The following ABCA12 variants were observed in gnomAD, a reference collection of about 807,000 sequenced individuals.
ABCA12 encodes the protein glucosylceramide transporter ABCA12.
In ABCA12, 156 loss-of-function variants were observed where a neutral mutation model predicts 293.5. That is an observed-to-expected ratio of 0.53 (90% confidence interval 0.47 to 0.61). The LOEUF (loss-of-function observed/expected upper bound fraction) is 0.61, where lower values mean the gene tolerates loss of function less well. ABCA12 is among the 20% of genes least tolerant of loss of function. ABCA12 has a pLI of 0.00. For synonymous variants in ABCA12, 1,063 were observed against 1,108.0 expected (o/e 0.96, Z 0.81); for missense variants, 2,797 against 3,090.2 (o/e 0.91, Z 2.25).
In ABCA12 at chr2:215,004,243, A is replaced by G. The variant is rs1193995186; in HGVS notation, c.2649T>C (p.Asp883=). 1.2e-6 allele frequency: 2 copies of G among 1,614,036 alleles called. No homozygotes were observed. The highest frequency in any genetic ancestry group is 4.5e-5 in the East Asian group (2 of 44,856). The change falls in exon 20 of 53, where the codon GAT becomes GAC. Residue 883 remains aspartate, a synonymous_variant. Transcript: ENST00000272895. ...CTATCTGTTTCAATAGTTCAACAGC[A>G]TCGAGTCCCACGGAGAACTTTACAA... The part of the protein sequence containing the change: ...QVFVKFSVGL[D]AVELLKQIDE...
At position 215,026,823 on chromosome 2, in the gene ABCA12, G is replaced by A. The variant is rs1284289050; in HGVS notation, c.1177C>T (p.Pro393Ser). Residue 393 changes from proline (P) to serine (S), a missense_variant, in exon 10 of 53, where the codon CCA becomes TCA. Pro to Ser is a moderately conservative substitution (Grantham distance 74). This residue lies in a region of ABCA12 where 656 missense variants were observed against 638.2 expected (regional missense o/e 1.03). Transcript: ENST00000272895. The stretch of plus-strand genomic sequence containing the variant: ...TGACTGTTAAGAACAGTATTACCTG[G>A]TGAACCTCTGGCCAAACTGTCAGTC... ...NVTDSLARGS[P>S]ENLRLLQSTI... The A allele has an allele frequency of 1.9e-6, 3 of 1,597,534 alleles. No individual in the cohort carries two copies. In the African/African-American group the frequency reaches 4.0e-5, roughly 21 times the overall value.
At chr2:215,069,298 AAAT>A (rs1701692021) in intron 2 of ABCA12, among the ~76,000 whole-genome samples, 2 of 152,046 alleles carry the variant, frequency 1.3e-5, no homozygotes, top group African/African-American at 4.8e-5. Context: ...CTGATCGTGC[AAAT>A]AATGTCTCCT....
chr2:215,111,459 C>A, intron 2 of ABCA12, 138 bp downstream of exon 2: 2 of 606,584 alleles, frequency 3.3e-6, no homozygotes, highest in Non-Finnish European at 2.9e-6. Context: ...AAAAAACACA[C>A]AAATTGTTCA....
intron 2 of ABCA12, among the ~76,000 whole-genome samples, chr2:215,078,635 C>A (rs767866077): frequency 6.6e-6 from 1 of 152,156 alleles, no homozygotes; most frequent in African/African-American, 2.4e-5. Flanking sequence ...TTCATTCAAT[C>A]CAAACATGGC....
chr2:214,956,786 A>C lies in ABCA12; in HGVS notation c.6118-8T>G. The C allele has an allele frequency of 6.3e-7, 1 of 1,586,890 alleles. No homozygotes were observed. The highest frequency in any genetic ancestry group is 8.7e-7 in the Non-Finnish European group (1 of 1,155,688). ...AGGCACCAAGTAGAAAACCTATGGAAATATTCAAAACAATGTTTAATACGT... is the reference window on the plus strand; with the variant it reads ...AGGCACCAAGTAGAAAACCTATGGACATATTCAAAACAATGTTTAATACGT... On this transcript the variant is annotated splice_polypyrimidine_tract_variant and splice_region_variant and intron_variant, in intron 41 of 52. Coordinates refer to ENST00000272895, the MANE Select transcript of ABCA12 (RefSeq NM_173076.3).
At chr2:215,032,267 G>T in intron 8 of ABCA12, 2 of 297,640 alleles carry the variant, frequency 6.7e-6, no homozygotes, top group Non-Finnish European at 1.1e-5. Context: ...GCCAATTTTA[G>T]TCTTATGGGT....
At chr2:215,069,400 T>A (rs1165031026) in intron 2 of ABCA12, among the ~76,000 whole-genome samples, 1 of 152,044 alleles carries the variant, frequency 6.6e-6, no homozygotes, top group Non-Finnish European at 1.5e-5. Flanking sequence ...AACAATCAAA[T>A]ACCTAAATGT....
chr2:215,131,343 G>A lies in ABCA12; in HGVS notation c.69+6797C>T, dbSNP rs536509235. ...CTTCTTTGTACATCTGGTAAAATTT[G>A]GCCATGAATCCATCTTGTCCTGGGC... On this transcript the variant is annotated intron_variant, in intron 1 of 52. Transcript: ENST00000272895. 4.6e-5 allele frequency among the ~76,000 whole-genome samples: 7 copies of A among 151,734 alleles called. No homozygotes were observed. In the East Asian group the frequency reaches 1.4e-3, roughly 29 times the overall value.
chr2:214,954,058 G>A lies in ABCA12; in HGVS notation c.6443C>T (p.Pro2148Leu), dbSNP rs1242372167. 1 of 1,613,802 alleles carries A rather than the reference G, an allele frequency of 6.2e-7. No individual in the cohort carries two copies. The highest frequency in any genetic ancestry group is 1.3e-5 in the African/African-American group (1 of 74,862). ...CAAACCGTAGCCAAAACAGAATTGT[G>A]GGAAAATCAGGAAAATGCGCTTGAG... ...ETLKRIFLIF[P>L]QFCFGYGLIE... Residue 2148 changes from proline (P) to leucine (L), a missense_variant, in exon 44 of 53, where the codon CCA (proline) becomes CTA (leucine). Pro to Leu is a moderately conservative substitution (Grantham distance 98). Transcript: ENST00000272895.
chr2:214,935,375 CA>C (rs1354510410), intron 51 of ABCA12, among the ~76,000 whole-genome samples: 1 of 152,160 alleles, frequency 6.6e-6, no homozygotes, highest in Non-Finnish European at 1.5e-5. Flanking sequence ...TGAAACAACA[CA>C]GATTTCAACC....
intron 2 of ABCA12, among the ~76,000 whole-genome samples, chr2:215,090,589 C>T (rs181111944): frequency 6.6e-5 from 10 of 152,278 alleles, no homozygotes; most frequent in East Asian, 1.9e-4. Flanking sequence ...AAAACTCCAG[C>T]GCCGGTCACA....
intron 11 of ABCA12, among the ~76,000 whole-genome samples, chr2:215,020,308 A>ACACACG (rs1273577504): frequency 6.6e-6 from 1 of 151,938 alleles, no homozygotes; most frequent in African/African-American, 2.4e-5. Context: ...ACACACACAC[A>ACACACG]CACACAGAGT....
intron 26 of ABCA12, among the ~76,000 whole-genome samples, chr2:214,988,574 T>A (rs1475811336): frequency 6.6e-6 from 1 of 152,150 alleles, no homozygotes; most frequent in African/African-American, 2.4e-5. Flanking sequence ...AAACTAAGCA[T>A]GTTAGAAAGG....
At chr2:215,109,301 G>T (rs948782597) in intron 2 of ABCA12, among the ~76,000 whole-genome samples, 7 of 152,094 alleles carry the variant, frequency 4.6e-5, no homozygotes, top group African/African-American at 1.7e-4. Context: ...CATGGACAAA[G>T]AAGCGGTTTT....
At chr2:215,056,773 G>C (rs72952410) in intron 3 of ABCA12, among the ~76,000 whole-genome samples, 38,815 of 151,930 alleles carry the variant, frequency 0.26, 5,906 homozygotes, top group South Asian at 0.48. Context: ...CCAAACAAAG[G>C]TAATTAATTC....
intron 23 of ABCA12, among the ~76,000 whole-genome samples, chr2:214,991,602 C>CTA (rs1394739562): frequency 6.6e-6 from 1 of 152,142 alleles, no homozygotes; most frequent in Non-Finnish European, 1.5e-5. Context: ...CTGCCTTTAG[C>CTA]TATAGCCTTC....
chr2:215,019,353 T>C lies in ABCA12; in HGVS notation c.1640A>G (p.Asp547Gly). The change falls in exon 13 of 53, where the codon GAT becomes GGT. Residue 547 changes from aspartate (D) to glycine (G), a missense_variant. Asp to Gly is a moderately conservative substitution (Grantham distance 94, BLOSUM62 -1). Around this residue, in one of 3 missense-constraint regions of ABCA12, gnomAD observed 656 missense variants for 638.2 expected, o/e 1.03. Coordinates refer to ENST00000272895, the MANE Select transcript of ABCA12 (RefSeq NM_173076.3). ...GGAAACACCTGGCTTTTCAGAAGCATCTGCACTGTTATTGACATGCAGCAT... is the reference window on the plus strand; with the variant it reads ...GGAAACACCTGGCTTTTCAGAAGCACCTGCACTGTTATTGACATGCAGCAT... Reference protein sequence around the residue: ...EAMLHVNNSADASEKPGQLLE... With the variant: ...EAMLHVNNSAGASEKPGQLLE... 1.2e-6 allele frequency: 2 copies of C among 1,611,732 alleles called. No homozygotes were observed. The highest frequency in any genetic ancestry group is 4.5e-5 in the East Asian group (2 of 44,870).
intron 3 of ABCA12, among the ~76,000 whole-genome samples, chr2:215,059,295 C>A (rs1701481431): frequency 6.6e-6 from 1 of 152,052 alleles, no homozygotes; most frequent in African/African-American, 2.4e-5. Flanking sequence ...CTGTAATGGT[C>A]TTGAGGCCCC....
chr2:215,095,248 C>G (rs1190176784), intron 2 of ABCA12, among the ~76,000 whole-genome samples: 1 of 152,030 alleles, frequency 6.6e-6, no homozygotes, highest in East Asian at 1.9e-4. Flanking sequence ...AAGATAGAGC[C>G]CAAAAACTCA....
Sources: allele counts gnomAD v4.1 joint callset (sites outside exome capture counted in the v4.1 genomes callset), GRCh38; gene constraint gnomAD v4.1.1; regional missense constraint gnomAD v4.1.1; transcripts MANE v1.5; gene names NCBI Gene and HGNC (gene_info 2026-07-23, HGNC 2026-07-21).